Variants in ATG4A observed in about 807,000 individuals in gnomAD.
ATG4A encodes autophagy related 4A cysteine peptidase.
ATG4A carries 22 observed loss-of-function variants against 38.4 expected under a neutral mutation model. The observed-to-expected ratio is 0.57, with a 90% CI of 0.41 to 0.82. The LOEUF is 0.82. ATG4A is among the 40% of genes least tolerant of loss of function. The pLI is 0.00. For missense variants in ATG4A, 220 were observed against 290.0 expected (o/e 0.76, Z 1.75); for synonymous variants, 86 against 100.7 (o/e 0.85, Z 0.88).
intron 1 of ATG4A, among the ~76,000 whole-genome samples, chrX:108,109,915 CAA>C (rs1319815584): frequency 6.3e-5 from 7 of 111,549 alleles, no homozygotes; most frequent in Non-Finnish European, 1.3e-4. Flanking sequence ...AGTCCTCTAA[CAA>C]TGTTCTTTTT....
chrX:108,153,736 G>C lies in ATG4A; in HGVS notation c.*24G>C. On this transcript the variant is annotated 3_prime_UTR_variant, in exon 13 of 13. Transcript: ENST00000372232. ...AGAATCCTGGGAACTCAACTTGAAG[G>C]TCTGTCTTCCATCTGGCACCATAAA... 8.6e-7 allele frequency: 1 copy of C among 1,160,994 alleles called. No homozygotes were observed. Among genetic ancestry groups the C allele is most frequent in the Non-Finnish European group, 1.2e-6 (1 of 852,884 alleles).
At chrX:108,141,586 G>A (rs1419590818) in intron 9 of ATG4A, among the ~76,000 whole-genome samples, 1 of 111,245 alleles carries the variant, frequency 9.0e-6, no homozygotes, top group Non-Finnish European at 1.9e-5. Flanking sequence ...GAGAGCTCTA[G>A]GTGTGGGAGG....
At chrX:108,108,781 T>A (rs973165648) in intron 1 of ATG4A, among the ~76,000 whole-genome samples, 4 of 111,986 alleles carry the variant, frequency 3.6e-5, no homozygotes, top group Non-Finnish European at 7.5e-5. Context: ...TTCCTTCCAG[T>A]CCCTGGCAAC....
intron 9 of ATG4A, among the ~76,000 whole-genome samples, chrX:108,145,860 T>A (rs2033410071): frequency 9.0e-6 from 1 of 111,461 alleles, no homozygotes; most frequent in African/African-American, 3.3e-5. Flanking sequence ...ACGGGATGAG[T>A]CTGGGGACCC....
intron 1 of ATG4A, among the ~76,000 whole-genome samples, chrX:108,125,099 G>A (rs2032763939): frequency 1.8e-5 from 2 of 111,189 alleles, no homozygotes; most frequent in Non-Finnish European, 1.9e-5. Flanking sequence ...TAGGTTTTGT[G>A]GACTAGCTTG....
At chrX:108,095,666 A>G (rs1305961192) in intron 1 of ATG4A, among the ~76,000 whole-genome samples, 1 of 108,225 alleles carries the variant, frequency 9.2e-6, no homozygotes, top group African/African-American at 3.4e-5. Context: ...GCAATGTTCG[A>G]GGGTTCAGAT....
chrX:108,103,584 T>C (rs2032083534), intron 1 of ATG4A, among the ~76,000 whole-genome samples: 1 of 111,796 alleles, frequency 8.9e-6, no homozygotes, highest in Non-Finnish European at 1.9e-5. Flanking sequence ...TTCCTTTGGG[T>C]TTCATTGATT....
At chrX:108,151,461 T>C (rs2033586624) in intron 10 of ATG4A, among the ~76,000 whole-genome samples, 1 of 112,464 alleles carries the variant, frequency 8.9e-6, no homozygotes, top group African/African-American at 3.2e-5. Context: ...GTTTGTTGGC[T>C]TAATTGAATG....
At chrX:108,107,880 A>G (rs1479139590) in intron 1 of ATG4A, among the ~76,000 whole-genome samples, 1 of 110,715 alleles carries the variant, frequency 9.0e-6, no homozygotes, top group Non-Finnish European at 1.9e-5. Context: ...ATGCCGGGGG[A>G]CTCATTACTG....
chrX:108,113,701 C>T (rs751030264), intron 1 of ATG4A, among the ~76,000 whole-genome samples: 13 of 111,426 alleles, frequency 1.2e-4, no homozygotes, highest in South Asian at 3.9e-4. Flanking sequence ...TCTTACATGG[C>T]GGTGGCAAGA....
chrX:108,136,784 G>A (rs1407112486), intron 6 of ATG4A, among the ~76,000 whole-genome samples: 2 of 112,396 alleles, frequency 1.8e-5, no homozygotes, highest in Non-Finnish European at 3.8e-5. Context: ...GACTTTGAGA[G>A]CAGATGCATG....
At chrX:108,104,968 A>G (rs2032128865) in intron 1 of ATG4A, among the ~76,000 whole-genome samples, 1 of 102,474 alleles carries the variant, frequency 9.8e-6, no homozygotes. Flanking sequence ...CTTCAGCTCT[A>G]AATTTCTGTT....
rs1450643006 is a variant in ATG4A, at chrX:108,141,091, T to TAC, written c.814+2901_814+2902insCA. On this transcript the variant is annotated intron_variant, in intron 9 of 12. Coordinates refer to ENST00000372232, the MANE Select transcript of ATG4A (RefSeq NM_052936.5). ...ATATACATATATATATATATATATA[T>TAC]ATATATATATATATATATCACTAAG... is the stretch of plus-strand genomic sequence containing the variant. Among the ~76,000 whole-genome samples the TAC allele has an allele frequency of 7.2e-4, 57 of 79,707 alleles. 2 individuals carry two copies. In the East Asian group the frequency reaches 0.021, roughly 29 times the overall value. The allele number at this position is 79,707 out of a possible 115,157, so 69.2% of individuals were successfully genotyped here.
intron 9 of ATG4A, among the ~76,000 whole-genome samples, chrX:108,141,001 T>TATATACAC (rs2033243775): frequency 1.2e-5 from 1 of 80,569 alleles, no homozygotes; most frequent in African/African-American, 5.8e-5. Flanking sequence ...TATATATACA[T>TATATACAC]ATATATACGT....
chrX:108,104,402 A>C (rs1199621632), intron 1 of ATG4A, among the ~76,000 whole-genome samples: 1 of 108,143 alleles, frequency 9.2e-6, no homozygotes, highest in Non-Finnish European at 1.9e-5. Context: ...TTGAAGGCTA[A>C]TTTTGCTAGA....
chrX:108,111,327 A>T (rs2032349246), intron 1 of ATG4A, among the ~76,000 whole-genome samples: 1 of 112,700 alleles, frequency 8.9e-6, no homozygotes, highest in African/African-American at 3.2e-5. Flanking sequence ...TTGGTCCTAC[A>T]AATTATTTGC....
chrX:108,137,685 G>A (rs1173807926), intron 7 of ATG4A, 119 bp from the exon 8 acceptor site: 2 of 707,567 alleles, frequency 2.8e-6, no homozygotes, highest in African/African-American at 4.4e-5. Context: ...TGGTGGCAGA[G>A]GAGAGGGCCT....
chrX:108,091,242 G>A (rs113984819), upstream of ATG4A, among the ~76,000 whole-genome samples: 64 of 113,386 alleles, frequency 5.6e-4, no homozygotes, highest in African/African-American at 1.9e-3. Flanking sequence ...GCTAGCTCCC[G>A]CAGGCCTATC....
chrX:108,116,060 A>G (rs973061119), intron 1 of ATG4A, among the ~76,000 whole-genome samples: 2 of 111,937 alleles, frequency 1.8e-5, no homozygotes, highest in African/African-American at 6.5e-5. Flanking sequence ...TGCAAGCTGT[A>G]TCTTTTTTGG....
Sources: gnomAD v4.1 joint callset for allele counts (sites outside exome capture counted in the v4.1 genomes callset) on GRCh38, gnomAD v4.1.1 for gene constraint, MANE v1.5 for transcripts, NCBI Gene and HGNC (gene_info 2026-07-23, HGNC 2026-07-21) for gene names.